Variants in LRBA observed in about 807,000 individuals in gnomAD.
LRBA encodes the protein lipopolysaccharide-responsive and beige-like anchor protein.
A neutral mutation model predicts 330.0 loss-of-function variants in LRBA; 176 were observed. The observed-to-expected ratio is 0.53, with a 90% CI of 0.47 to 0.60. LRBA has a LOEUF of 0.60. Among genes scored for constraint, LRBA ranks in the 20% least tolerant of loss-of-function variants. The probability of loss-of-function intolerance (pLI) is 0.00; values close to 1 mark genes in which losing one functional copy is unlikely to be tolerated. For missense variants in LRBA, 3,259 were observed against 3,444.8 expected, an observed-to-expected ratio of 0.95 and a Z score of 1.35; for synonymous variants, 1,230 against 1,193.0, an observed-to-expected ratio of 1.03 and a Z score of -0.64.
chr4:150,914,815 A>C (rs1461814876), intron 8 of LRBA, among the ~76,000 whole-genome samples: 1 of 152,200 alleles, frequency 6.6e-6, no homozygotes, highest in African/African-American at 2.4e-5. Flanking sequence ...AAAAGAGCTA[A>C]CATTGAGCAC....
At chr4:150,812,514 TTCTC>T (rs958718306) in intron 31 of LRBA, among the ~76,000 whole-genome samples, 1 of 152,168 alleles carries the variant, frequency 6.6e-6, no homozygotes, top group African/African-American at 2.4e-5. Context: ...AGCACTGCAT[TTCTC>T]TCTCTCTTTT....
chr4:150,290,607 G>C (rs1220738193), intron 53 of LRBA, among the ~76,000 whole-genome samples: 1 of 152,154 alleles, frequency 6.6e-6, no homozygotes, highest in East Asian at 1.9e-4. Context: ...AGACTTCTAG[G>C]ACTGCTTTGA....
At chr4:150,277,576 G>A (rs1746948309) in intron 56 of LRBA, among the ~76,000 whole-genome samples, 1 of 152,038 alleles carries the variant, frequency 6.6e-6, no homozygotes, top group Non-Finnish European at 1.5e-5. Flanking sequence ...AGTGTTCTTG[G>A]TTTGATTGTA....
rs529227224 is a variant in LRBA at position 150,663,575 on chromosome 4, A to G, written c.5921+19976T>C. On this transcript the variant is annotated intron_variant, in intron 37 of 56. Transcript: ENST00000651943. ...TGAAAAAAAAAAAAGAAGAGAAAAAATAAAAGTACAAAAGACATCCATGGA... is the reference window on the plus strand; with the variant it reads ...TGAAAAAAAAAAAAGAAGAGAAAAAGTAAAAGTACAAAAGACATCCATGGA... Among the ~76,000 whole-genome samples the G allele has an allele frequency of 1.6e-4, 25 of 152,124 alleles. No homozygotes were observed. In the South Asian group the frequency reaches 5.2e-3, roughly 32 times the overall value.
chr4:150,613,180 C>G (rs1210506628), intron 37 of LRBA, among the ~76,000 whole-genome samples: 2 of 152,058 alleles, frequency 1.3e-5, no homozygotes, highest in Non-Finnish European at 2.9e-5. Flanking sequence ...TACTGAATAC[C>G]AACAATGAGT....
At chr4:150,797,611 C>A (rs1740979978) in intron 34 of LRBA, among the ~76,000 whole-genome samples, 1 of 151,910 alleles carries the variant, frequency 6.6e-6, no homozygotes, top group South Asian at 2.1e-4. Flanking sequence ...ATGATAGCTG[C>A]CACATTTTTG....
At chr4:150,654,675 T>A (rs1238048230) in intron 37 of LRBA, among the ~76,000 whole-genome samples, 1 of 152,198 alleles carries the variant, frequency 6.6e-6, no homozygotes, top group Non-Finnish European at 1.5e-5. Context: ...GTATATCTCC[T>A]AATGCTATCC....
chr4:150,687,398 G>A (rs1329852688), intron 36 of LRBA, among the ~76,000 whole-genome samples: 6 of 151,838 alleles, frequency 4.0e-5, no homozygotes, highest in East Asian at 1.9e-4. Flanking sequence ...TAACATAAAC[G>A]GTCAAATCTA....
rs533392787 is a variant in LRBA, at chr4:150,818,569, C to T, written c.5172-1312G>A. ...GTGTGTGTGTGTGTGTGTGTGCGTG[C>T]ACGAATGTGTGTGTGTACGTATGTA... On this transcript the variant is annotated intron_variant, in intron 30 of 56. Coordinates refer to ENST00000651943, the MANE Select transcript of LRBA (RefSeq NM_001364905.1). Among the ~76,000 whole-genome samples the T allele has an allele frequency of 7.1e-3, 676 of 95,612 alleles. 5 individuals carry two copies. The highest frequency in any genetic ancestry group is 0.019 in the African/African-American group (654 of 35,164). 62.7% of individuals were successfully genotyped at this position (95,612 alleles called of 152,430 possible). A position where few individuals can be genotyped will look rare whatever the true frequency, so the allele number is the denominator to read the frequency against.
At position 150,801,224 on chromosome 4, in the gene LRBA, G is replaced by T. The variant is rs186524632; in HGVS notation, c.5519-3082C>A. ...ACTCCATATTTTCCTGGTTTTGAAG[G>T]TATATACATATACTCCAAATGAGCA... is the stretch of plus-strand genomic sequence containing the variant. On this transcript the variant is annotated intron_variant, in intron 33 of 56. Transcript: ENST00000651943. Among the ~76,000 whole-genome samples the T allele has an allele frequency of 1.6e-4, 24 of 152,188 alleles. 1 individual carries two copies. The highest frequency in any genetic ancestry group is 5.3e-4 in the African/African-American group (22 of 41,504).
chr4:150,548,404 C>G (rs964396718), intron 40 of LRBA, among the ~76,000 whole-genome samples: 2 of 152,106 alleles, frequency 1.3e-5, no homozygotes, highest in Admixed American at 6.6e-5. Context: ...AAGTGCCAAA[C>G]CTGCTATCTA....
At chr4:150,778,687 A>G (rs1053680575) in intron 34 of LRBA, among the ~76,000 whole-genome samples, 1 of 152,220 alleles carries the variant, frequency 6.6e-6, no homozygotes, top group Non-Finnish European at 1.5e-5. Context: ...CTTTCCAGCT[A>G]CAAGCTCTCA....
intron 40 of LRBA, among the ~76,000 whole-genome samples, chr4:150,516,217 CTTTTTTTTTT>C (rs869205771): frequency 3.4e-4 from 10 of 29,412 alleles, no homozygotes; most frequent in African/African-American, 8.2e-4. Context: ...TTTCTATTCT[CTTTTTTTTTT>C]TTTTTTTTTT....
intron 22 of LRBA, among the ~76,000 whole-genome samples, chr4:150,858,540 G>A (rs1225505563): frequency 6.6e-6 from 1 of 152,050 alleles, no homozygotes; most frequent in African/African-American, 2.4e-5. Context: ...TTTTATTTTT[G>A]TAATTTTTGT....
chr4:150,568,848 G>A (rs1769487060), intron 40 of LRBA, among the ~76,000 whole-genome samples: 1 of 152,020 alleles, frequency 6.6e-6, no homozygotes, highest in African/African-American at 2.4e-5. Flanking sequence ...TTTGTCAGAT[G>A]CCAGAAAACA....
rs1771628485 is a variant in LRBA, at chr4:150,583,210, G to A, written c.6330+4838C>T. 1.2e-6 allele frequency: 2 copies of A among 1,614,102 alleles called. No homozygotes were observed. The highest frequency in any genetic ancestry group is 8.5e-7 in the Non-Finnish European group (1 of 1,180,032). Reference sequence around the variant, plus strand: ...CATCAGCTCCTTGAGCGAGATCGATGCCCGCTACGAGGGGCTCGAGGTCAT... The same window carrying A: ...CATCAGCTCCTTGAGCGAGATCGATACCCGCTACGAGGGGCTCGAGGTCAT... On this transcript the variant is annotated intron_variant, in intron 40 of 56. Coordinates refer to ENST00000651943, the MANE Select transcript of LRBA (RefSeq NM_001364905.1). This position sits in a 1 kb window ranked among gnomAD's most constrained non-coding sequence, Gnocchi z 9.8.
chr4:150,646,495 C>T (rs190288562), intron 37 of LRBA, among the ~76,000 whole-genome samples: 30 of 151,936 alleles, frequency 2.0e-4, no homozygotes, highest in Middle Eastern at 3.4e-3. Flanking sequence ...GTTTTTGAAA[C>T]GTTGGAAATG....
chr4:150,556,305 A>G lies in LRBA; in HGVS notation c.6330+31743T>C, dbSNP rs908897327. ...TATCTGATGGATGGTAATCAAAAAC[A>G]TTTTTGTTTGAAAACAAATCATATT... On this transcript the variant is annotated intron_variant, in intron 40 of 56. Transcript: ENST00000651943. Among the ~76,000 whole-genome samples, 10 of 152,306 alleles carry G rather than the reference A, an allele frequency of 6.6e-5. No individual in the cohort carries two copies. In the South Asian group the frequency reaches 2.1e-3, roughly 32 times the overall value.
intron 33 of LRBA, among the ~76,000 whole-genome samples, 196 bp downstream of exon 33, chr4:150,806,075 C>T (rs564989311): frequency 1.5e-4 from 23 of 151,794 alleles, no homozygotes; most frequent in African/African-American, 5.6e-4. Context: ...TACGCTCCAT[C>T]CAAATCACTG....
Sources: allele counts gnomAD v4.1 joint callset (sites outside exome capture counted in the v4.1 genomes callset), GRCh38; gene constraint gnomAD v4.1.1; non-coding constraint Gnocchi (gnomAD v3.1); transcripts MANE v1.5; gene names NCBI Gene and HGNC (gene_info 2026-07-23, HGNC 2026-07-21).